Variants in PDLIM5 observed in about 807,000 individuals in gnomAD.
PDLIM5 encodes the protein PDZ and LIM domain 5.
In PDLIM5, 34 loss-of-function variants were observed where a neutral mutation model predicts 64.2. That is an observed-to-expected ratio of 0.53 (90% confidence interval 0.40 to 0.71). The LOEUF is 0.71. Ranked by LOEUF, PDLIM5 falls within the 30% of genes least tolerant of loss-of-function variation. The pLI, the probability that PDLIM5 is intolerant of heterozygous loss-of-function variation, is 0.00. For synonymous variants in PDLIM5, 253 were observed against 269.1 expected (o/e 0.94, Z 0.59); for missense variants, 683 against 733.6 (o/e 0.93, Z 0.80).
At chr4:94,599,156 A>G (rs187222917) in intron 7 of PDLIM5, among the ~76,000 whole-genome samples, 1 of 152,272 alleles carries the variant, frequency 6.6e-6, no homozygotes, top group African/African-American at 2.4e-5. Context: ...TTTTTAACAG[A>G]TCACCCTGAA....
chr4:94,478,840 T>C (rs1160332425), intron 2 of PDLIM5, among the ~76,000 whole-genome samples: 1 of 151,850 alleles, frequency 6.6e-6, no homozygotes, highest in Non-Finnish European at 1.5e-5. Flanking sequence ...ATTATTTTTT[T>C]GGTTTAAATG....
intron 7 of PDLIM5, among the ~76,000 whole-genome samples, chr4:94,604,641 A>T (rs977612036): frequency 2.0e-5 from 3 of 152,128 alleles, no homozygotes; most frequent in Non-Finnish European, 4.4e-5. Flanking sequence ...CTCCAAAAAA[A>T]GAATTAAAGT....
chr4:94,654,332 TTCAG>T (rs1231775471), intron 9 of PDLIM5, 124 bp from the exon 10 acceptor site: 20 of 673,736 alleles, frequency 3.0e-5, no homozygotes, highest in Admixed American at 1.7e-4. Flanking sequence ...CACCCATGAG[TTCAG>T]TCCTTAAGAA....
In PDLIM5 at chr4:94,665,671, A is replaced by G. The variant is rs1371745174; in HGVS notation, c.*1604A>G. On this transcript the variant is annotated 3_prime_UTR_variant, in exon 13 of 13. Coordinates refer to ENST00000317968, the MANE Select transcript of PDLIM5 (RefSeq NM_006457.5). Reference sequence around the variant, plus strand: ...AAGAGTTGAGAGGTCTCTTTGCAGAATGATCTTTTTGTTTCGTTTTGTTTC... The same window carrying G: ...AAGAGTTGAGAGGTCTCTTTGCAGAGTGATCTTTTTGTTTCGTTTTGTTTC... 4.7e-6 allele frequency: 5 copies of G among 1,064,894 alleles called. No individual in the cohort carries two copies. Among genetic ancestry groups the G allele is most frequent in the Non-Finnish European group, 5.7e-6 (5 of 881,766 alleles). 66.0% of individuals were successfully genotyped at this position (1,064,894 alleles called of 1,614,324 possible). A position where few individuals can be genotyped will look rare whatever the true frequency, so the allele number is the denominator to read the frequency against.
chr4:94,638,120 TA>T (rs1460993994), intron 8 of PDLIM5, among the ~76,000 whole-genome samples: 33 of 152,186 alleles, frequency 2.2e-4, no homozygotes, highest in Non-Finnish European at 4.4e-5. Flanking sequence ...TTCTTGAATT[TA>T]AAGATAATAA....
intron 7 of PDLIM5, among the ~76,000 whole-genome samples, chr4:94,612,300 G>A (rs761890040): frequency 1.3e-5 from 2 of 152,162 alleles, no homozygotes; most frequent in African/African-American, 2.4e-5. Context: ...TAAGGGAGGT[G>A]TTTAAACAAG....
At chr4:94,634,028 G>A (rs1402912530) in intron 8 of PDLIM5, among the ~76,000 whole-genome samples, 1 of 152,140 alleles carries the variant, frequency 6.6e-6, no homozygotes, top group Non-Finnish European at 1.5e-5. Context: ...GCATGTCTGG[G>A]ATATAATGGG....
chr4:94,484,351 G>A (rs1726127838), intron 2 of PDLIM5, among the ~76,000 whole-genome samples: 2 of 152,120 alleles, frequency 1.3e-5, no homozygotes, highest in Admixed American at 6.6e-5. Context: ...GAATTTCTAA[G>A]AAGTTTTAAA....
chr4:94,616,556 CATTAATGCTTTTTGTTG>C (rs1485026684), intron 7 of PDLIM5, among the ~76,000 whole-genome samples: 4 of 152,168 alleles, frequency 2.6e-5, no homozygotes, highest in African/African-American at 9.7e-5. Context: ...ACCCTGATTC[CATTAATGCTTTTTGTTG>C]TGTTGCCTTT....
intron 7 of PDLIM5, among the ~76,000 whole-genome samples, chr4:94,590,706 T>G (rs1039822961): frequency 1.3e-5 from 2 of 152,098 alleles, no homozygotes; most frequent in African/African-American, 4.8e-5. Context: ...GAAAGGAGCA[T>G]GGCAAGAATA....
intron 2 of PDLIM5, chr4:94,455,836 G>GA (rs1156429310): frequency 7.0e-7 from 1 of 1,437,510 alleles, no homozygotes; most frequent in African/African-American, 1.4e-5. Flanking sequence ...TCTGGTGGAG[G>GA]TGATAGCCAA....
intron 5 of PDLIM5, among the ~76,000 whole-genome samples, chr4:94,581,315 T>G (rs1735714229): frequency 6.6e-6 from 1 of 152,226 alleles, no homozygotes; most frequent in Admixed American, 6.5e-5. Flanking sequence ...CTCCACTTGC[T>G]GCCGCTCCAC....
chr4:94,498,635 C>T (rs1050406071), intron 2 of PDLIM5, among the ~76,000 whole-genome samples: 3 of 152,156 alleles, frequency 2.0e-5, no homozygotes, highest in Non-Finnish European at 4.4e-5. Flanking sequence ...TTGCCATTTC[C>T]CATTGCCTCT....
intron 3 of PDLIM5, among the ~76,000 whole-genome samples, chr4:94,536,143 T>A (rs916213222): frequency 6.6e-6 from 1 of 152,004 alleles, no homozygotes. Flanking sequence ...CCAAAAATAT[T>A]TTAAGCCATC....
chr4:94,467,401 G>A (rs1422944387), intron 2 of PDLIM5, among the ~76,000 whole-genome samples: 4 of 147,868 alleles, frequency 2.7e-5, no homozygotes, highest in South Asian at 2.2e-4. Flanking sequence ...TGCAACCTCC[G>A]CCTCCCGGCT....
At position 94,451,987 on chromosome 4, in the gene PDLIM5, G is replaced by C. The variant is rs1403592888; in HGVS notation, c.-51G>C. Reference sequence around the variant, plus strand: ...GGCGGAGGCAGCCCCGCGCCGCGCCGGACCCGAGGTGAGTGGCGGCCGGCC... The same window carrying C: ...GGCGGAGGCAGCCCCGCGCCGCGCCCGACCCGAGGTGAGTGGCGGCCGGCC... On this transcript the variant is annotated 5_prime_UTR_variant, in exon 1 of 13. Transcript: ENST00000317968. The C allele has an allele frequency of 6.6e-6, 1 of 152,312 alleles. No individual in the cohort carries two copies. Among genetic ancestry groups the C allele is most frequent in the Admixed American group, 6.5e-5 (1 of 15,286 alleles). 9.4% of individuals were successfully genotyped at this position (152,312 alleles called of 1,614,324 possible). A position where few individuals can be genotyped will look rare whatever the true frequency, so the allele number is the denominator to read the frequency against.
Position 94,665,916 on chromosome 4 carries a change from C to A in PDLIM5, c.*1849C>A. ...CTTTGGGAAAAGAATTATGTAGATA[C>A]CACATGGAGACAGGGAAACAATTGT... is the stretch of plus-strand genomic sequence containing the variant. On this transcript the variant is annotated 3_prime_UTR_variant, in exon 13 of 13. Transcript: ENST00000317968. 1.3e-6 allele frequency: 2 copies of A among 1,492,806 alleles called. No individual in the cohort carries two copies. The highest frequency in any genetic ancestry group is 8.9e-7 in the Non-Finnish European group (1 of 1,129,722). 92.5% of individuals were successfully genotyped at this position (1,492,806 alleles called of 1,614,324 possible).
chr4:94,476,778 C>T lies in PDLIM5; in HGVS notation c.96+21394C>T, dbSNP rs150968936. Reference sequence around the variant, plus strand: ...GAGTTTGGACTCTGGAGCCAGCCATCGTGGGTTCAAATCGCAGTAGGGACA... The same window carrying T: ...GAGTTTGGACTCTGGAGCCAGCCATTGTGGGTTCAAATCGCAGTAGGGACA... On this transcript the variant is annotated intron_variant, in intron 2 of 12. Transcript: ENST00000317968. 5.3e-5 allele frequency among the ~76,000 whole-genome samples: 8 copies of T among 152,292 alleles called. No homozygotes were observed. In the East Asian group the frequency reaches 1.5e-3, roughly 29 times the overall value.
chr4:94,644,559 T>A (rs2110467808), intron 9 of PDLIM5, among the ~76,000 whole-genome samples: 1 of 151,304 alleles, frequency 6.6e-6, no homozygotes, highest in Non-Finnish European at 1.5e-5. Context: ...GGAATCTCCC[T>A]CTGTTGCCCA....
Sources: allele counts gnomAD v4.1 joint callset (sites outside exome capture counted in the v4.1 genomes callset), GRCh38; gene constraint gnomAD v4.1.1; transcripts MANE v1.5; gene names NCBI Gene and HGNC (gene_info 2026-07-23, HGNC 2026-07-21).